The following SLC1A2 variants were observed in gnomAD, a reference collection of about 807,000 sequenced individuals.
SLC1A2 encodes the protein excitatory amino acid transporter 2.
In SLC1A2, 15 loss-of-function variants were observed where a neutral mutation model predicts 48.8. That is an observed-to-expected ratio of 0.31 (90% CI 0.21 to 0.47). The LOEUF (loss-of-function observed/expected upper bound fraction) is 0.47. Ranked by LOEUF, SLC1A2 falls within the 20% of genes least tolerant of loss-of-function variation. The pLI is 0.99. For missense variants in SLC1A2, 502 were observed against 730.5 expected, an observed-to-expected ratio of 0.69 and a Z score of 3.61; for synonymous variants, 279 against 272.6, an observed-to-expected ratio of 1.02 and a Z score of -0.23.
chr11:35,374,347 T>C (rs1288746531), intron 1 of SLC1A2: 15 of 889,168 alleles, frequency 1.7e-5, no homozygotes, highest in Non-Finnish European at 1.8e-5. Context: ...CAGCAGAATT[T>C]AAATAGCGAT....
rs551349766 is a variant in SLC1A2, at chr11:35,387,972, C to T, written c.17+30978G>A. 2.4e-4 allele frequency among the ~76,000 whole-genome samples: 36 copies of T among 152,342 alleles called. 1 individual carries two copies. In the South Asian group the frequency reaches 7.0e-3, roughly 30 times the overall value. Reference sequence around the variant, plus strand: ...TCTTGCAACTAATCGTTACTACAACCTTATGAGGTCAGCGTTATCATACTC... The same window carrying T: ...TCTTGCAACTAATCGTTACTACAACTTTATGAGGTCAGCGTTATCATACTC... On this transcript the variant is annotated intron_variant, in intron 1 of 10. Transcript: ENST00000278379.
intron 1 of SLC1A2, among the ~76,000 whole-genome samples, chr11:35,394,149 A>G (rs2135249780): frequency 6.6e-6 from 1 of 151,270 alleles, no homozygotes; most frequent in Admixed American, 6.6e-5. Flanking sequence ...TTTTAAGTAA[A>G]CTCCTCCTAC....
chr11:35,348,654 G>C (rs1360863487), intron 1 of SLC1A2, among the ~76,000 whole-genome samples: 1 of 152,042 alleles, frequency 6.6e-6, no homozygotes, highest in South Asian at 2.1e-4. Flanking sequence ...CACTTTGGGA[G>C]GCTGAGGCGG....
rs1030561808 is a variant in SLC1A2 at position 35,390,505 on chromosome 11, C to T, written c.17+28445G>A. On this transcript the variant is annotated intron_variant, in intron 1 of 10. Coordinates refer to ENST00000278379, the MANE Select transcript of SLC1A2 (RefSeq NM_004171.4). ...GTTTTACTGACCACTCGAAATGTGA[C>T]CAGTGCAAAATGAGATGTGTCATAA... Among the ~76,000 whole-genome samples, 3 of 151,986 alleles carry T rather than the reference C, an allele frequency of 2.0e-5. No homozygotes were observed. In the East Asian group the frequency reaches 5.8e-4, roughly 29 times the overall value.
At chr11:35,268,432 T>A (rs1206888346) in intron 9 of SLC1A2, among the ~76,000 whole-genome samples, 2 of 152,018 alleles carry the variant, frequency 1.3e-5, no homozygotes, top group Non-Finnish European at 2.9e-5. Flanking sequence ...ATCGCAGCAC[T>A]TTGGGAGGCT....
At chr11:35,267,606 A>G (rs1263703346) in intron 9 of SLC1A2, among the ~76,000 whole-genome samples, 1 of 152,154 alleles carries the variant, frequency 6.6e-6, no homozygotes, top group Non-Finnish European at 1.5e-5. Context: ...AACAATTCCT[A>G]TGGCAACGCT....
intron 1 of SLC1A2, among the ~76,000 whole-genome samples, chr11:35,330,812 A>ACTC (rs1565249881): frequency 2.0e-5 from 3 of 151,626 alleles, no homozygotes; most frequent in African/African-American, 7.3e-5. Context: ...AAGGAAACAG[A>ACTC]CTCCTCCTCC....
intron 1 of SLC1A2, among the ~76,000 whole-genome samples, chr11:35,335,033 C>T (rs1456444367): frequency 6.6e-6 from 1 of 152,128 alleles, no homozygotes; most frequent in Non-Finnish European, 1.5e-5. Context: ...AACCCAACCC[C>T]TTTTCATTAC....
chr11:35,310,003 C>G (rs1003789579), intron 4 of SLC1A2, among the ~76,000 whole-genome samples: 1 of 152,176 alleles, frequency 6.6e-6, no homozygotes, highest in Non-Finnish European at 1.5e-5. Flanking sequence ...TCCAGAATGG[C>G]AGAGAGCAGC....
At chr11:35,261,049 C>A in intron 10 of SLC1A2, 84 bp from the exon 11 acceptor site, 1 of 928,210 alleles carries the variant, frequency 1.1e-6, no homozygotes, top group South Asian at 1.3e-5. Flanking sequence ...AGCACCAAAT[C>A]CAAGATTATA....
At chr11:35,337,922 A>G (rs1165594253) in intron 1 of SLC1A2, among the ~76,000 whole-genome samples, 1 of 152,206 alleles carries the variant, frequency 6.6e-6, no homozygotes. Flanking sequence ...TAGTATTATA[A>G]TTACCATCAA....
intron 1 of SLC1A2, among the ~76,000 whole-genome samples, chr11:35,403,556 T>C (rs1054577907): frequency 6.6e-6 from 1 of 152,228 alleles, no homozygotes; most frequent in Non-Finnish European, 1.5e-5. Flanking sequence ...AAATGAAATC[T>C]TGAGACCCCT....
At chr11:35,408,671 A>T (rs143440619) in intron 1 of SLC1A2, among the ~76,000 whole-genome samples, 41 of 152,296 alleles carry the variant, frequency 2.7e-4, no homozygotes, top group Middle Eastern at 6.8e-3. Context: ...TTTTTGTGTG[A>T]TGGGGAAGGA....
At chr11:35,298,241 T>C (rs1368329185) in intron 6 of SLC1A2, 2 of 152,242 alleles carry the variant, frequency 1.3e-5, no homozygotes, top group Non-Finnish European at 2.9e-5. Context: ...TTAATAATAA[T>C]TGTTTCCTCA....
At chr11:35,295,144 C>T in intron 6 of SLC1A2, among the ~76,000 whole-genome samples, 1 of 152,080 alleles carries the variant, frequency 6.6e-6, no homozygotes. Flanking sequence ...ACCTCCTGGG[C>T]TCAAGCAATC....
At chr11:35,332,537 G>A (rs115033449) in intron 1 of SLC1A2, among the ~76,000 whole-genome samples, 3,452 of 152,300 alleles carry the variant, frequency 0.023, 115 homozygotes, top group African/African-American at 0.078. Context: ...TTCAGCAAAA[G>A]CTGGTAGATT....
chr11:35,312,546 G>A, intron 3 of SLC1A2, 98 bp from the exon 4 acceptor site: 1 of 1,323,716 alleles, frequency 7.6e-7, no homozygotes, highest in South Asian at 1.3e-5. Context: ...TTACTCAAAT[G>A]TGTTAATGGT....
chr11:35,308,458 C>T (rs1295237760), intron 4 of SLC1A2, among the ~76,000 whole-genome samples: 2 of 152,154 alleles, frequency 1.3e-5, no homozygotes, highest in Admixed American at 6.5e-5. Context: ...CGACAGAATA[C>T]CTAAGACTGG....
At chr11:35,362,169 A>G (rs1853705085) in intron 1 of SLC1A2, among the ~76,000 whole-genome samples, 1 of 152,132 alleles carries the variant, frequency 6.6e-6, no homozygotes, top group African/African-American at 2.4e-5. Context: ...CAGATGCCCA[A>G]GATGTTTTGC....
Sources: gnomAD v4.1 joint callset for allele counts (sites outside exome capture counted in the v4.1 genomes callset) on GRCh38, gnomAD v4.1.1 for gene constraint, MANE v1.5 for transcripts, NCBI Gene and HGNC (gene_info 2026-07-23, HGNC 2026-07-21) for gene names.